The following ARMCX1 variants were observed in gnomAD, a reference collection of about 807,000 sequenced individuals.
The protein encoded by ARMCX1 is armadillo repeat-containing X-linked protein 1.
Under a neutral mutation model 15.4 loss-of-function variants are expected in ARMCX1, and 4 were observed. The observed-to-expected ratio is 0.26, with a 90% CI of 0.13 to 0.59. The LOEUF is 0.59. Ranked by LOEUF, ARMCX1 falls within the 20% of genes least tolerant of loss-of-function variation. The pLI, the probability that ARMCX1 is intolerant of heterozygous loss-of-function variation, is 0.89. For missense variants in ARMCX1, 273 were observed against 337.1 expected (o/e 0.81, Z 1.49); for synonymous variants, 144 against 130.5 (o/e 1.10, Z -0.71).
rs921626119 is a variant in ARMCX1 at position 101,553,248 on chromosome X, C to G, written c.318C>G (p.Ala106=). 5 of 1,210,374 alleles carry G rather than the reference C, an allele frequency of 4.1e-6. No homozygotes were observed. The African/African-American group carries it at 7.0e-5, about 17-fold the overall frequency. The change falls in exon 4 of 4, where the codon GCC becomes GCG. Residue 106 remains alanine (A), a synonymous_variant. Coordinates refer to ENST00000372829, the MANE Select transcript of ARMCX1 (RefSeq NM_016608.2). ...CCCACAGCGGAGGTGGCCTAGAGGC[C>G]AAGGCCAAGGCCCTTTTCAACACGC... is the stretch of plus-strand genomic sequence containing the variant. The part of the protein sequence containing the change: ...SGSHSGGGLE[A]KAKALFNTLK...
In ARMCX1 at chrX:101,553,194, G is replaced by A. The variant is rs1935401409; in HGVS notation, c.264G>A (p.Pro88=). The change falls in exon 4 of 4, where the codon CCG becomes CCA. Residue 88 remains proline (P), a synonymous_variant. Transcript: ENST00000372829. ...PEVSLGLEDC[P]GVKEKAHSGS... Reference sequence around the variant, plus strand: ...TGAGTTTGGGACTCGAGGATTGTCCGGGTGTAAAAGAGAAGGCCCATTCAG... The same window carrying A: ...TGAGTTTGGGACTCGAGGATTGTCCAGGTGTAAAAGAGAAGGCCCATTCAG... 4.1e-6 allele frequency: 5 copies of A among 1,210,472 alleles called. No homozygotes were observed. Among genetic ancestry groups the A allele is most frequent in the East Asian group, 3.0e-5 (1 of 33,757 alleles).
At position 101,552,812 on chromosome X, in the gene ARMCX1, G is replaced by C. The variant is rs782625990; in HGVS notation, c.-119G>C. On this transcript the variant is annotated 5_prime_UTR_variant, in exon 4 of 4. Coordinates refer to ENST00000372829, the MANE Select transcript of ARMCX1 (RefSeq NM_016608.2). Reference sequence around the variant, plus strand: ...GAAATGCATCCTTTATTCCTAGGTCGAGCTGCCTCAGAGCCGGCCCGCAGT... The same window carrying C: ...GAAATGCATCCTTTATTCCTAGGTCCAGCTGCCTCAGAGCCGGCCCGCAGT... The C allele has an allele frequency of 6.1e-4, 505 of 829,510 alleles. No homozygotes were observed. Among genetic ancestry groups the C allele is most frequent in the South Asian group, 1.6e-3 (55 of 34,504 alleles). The allele number at this position is 829,510 out of a possible 1,213,427, so 68.4% of individuals were successfully genotyped here. A position where few individuals can be genotyped will look rare whatever the true frequency, so the allele number is the denominator to read the frequency against.
Position 101,552,990 on chromosome X carries a change from C to G in ARMCX1, c.60C>G (p.Ala20=). 1 of 1,211,932 alleles carries G rather than the reference C, an allele frequency of 8.3e-7. No individual in the cohort carries two copies. The highest frequency in any genetic ancestry group is 1.1e-6 in the Non-Finnish European group (1 of 895,557). The change falls in exon 4 of 4, where the codon GCC becomes GCG. Residue 20 remains alanine (A), a synonymous_variant. Transcript: ENST00000372829. Reference sequence around the variant, plus strand: ...CTGGTGTGGTTATCGGGGCTGGTGCCTGCTACTGTGTATACAGACTGGCTT... The same window carrying G: ...CTGGTGTGGTTATCGGGGCTGGTGCGTGCTACTGTGTATACAGACTGGCTT... ...VAAGVVIGAG[A]CYCVYRLAWG...
In ARMCX1 at chrX:101,553,889, A is replaced by T; in HGVS notation, c.959A>T (p.His320Leu). Residue 320 changes from histidine (H) to leucine (L), a missense_variant, in exon 4 of 4, where the codon CAT becomes CTT. Physicochemically the swap from His to Leu is moderately conservative, Grantham distance 99. Around this residue, in one of 2 missense-constraint regions of ARMCX1, gnomAD observed 126 missense variants for 193.6 expected, o/e 0.65. Coordinates refer to ENST00000372829, the MANE Select transcript of ARMCX1 (RefSeq NM_016608.2). ...RLLTNMTVTN[H>L]YQHLLSYSFP... The stretch of plus-strand genomic sequence containing the variant: ...TTAACCAACATGACTGTGACTAATC[A>T]TTACCAACATTTGCTTTCCTATTCT... The T allele has an allele frequency of 8.3e-7, 1 of 1,209,769 alleles. No homozygotes were observed.
Position 101,553,342 on chromosome X carries a change from C to G in ARMCX1, c.412C>G (p.Leu138Val). 4.2e-6 allele frequency: 5 copies of G among 1,198,918 alleles called. No homozygotes were observed. Among genetic ancestry groups the G allele is most frequent in the South Asian group, 1.8e-5 (1 of 54,070 alleles). The change falls in exon 4 of 4, where the codon CTT becomes GTT. Residue 138 changes from leucine to valine, a missense_variant. By Grantham distance (32) the Leu-to-Val change is conservative (BLOSUM62 1). Coordinates refer to ENST00000372829, the MANE Select transcript of ARMCX1 (RefSeq NM_016608.2). The stretch of plus-strand genomic sequence containing the variant: ...GGGTACCATCTCTGGGAACAGGACC[C>G]TTGCACCGAGTTTACCCTGCCCAGG... ...RVGTISGNRT[L>V]APSLPCPGGR...
chrX:101,551,693 T>C (rs1400400679), intron 3 of ARMCX1, 60 bp downstream of exon 3: 1 of 110,762 alleles, frequency 9.0e-6, no homozygotes, highest in Admixed American at 9.6e-5. Flanking sequence ...CGACTGCAAC[T>C]CGAATGGGCC....
In ARMCX1 at chrX:101,552,904, G is replaced by A. The variant is rs1556027209; in HGVS notation, c.-27G>A. The A allele has an allele frequency of 8.4e-7, 1 of 1,192,974 alleles. No homozygotes were observed. Among genetic ancestry groups the A allele is most frequent in the Non-Finnish European group, 1.1e-6 (1 of 885,570 alleles). On this transcript the variant is annotated 5_prime_UTR_variant, in exon 4 of 4. Transcript: ENST00000372829. ...CCAGAGCGAGCCTGTTTTGTGCTCG[G>A]GTTAAGAGATTTGTCCCAGCTATAC...
rs967504058 is a variant in ARMCX1 at position 101,554,570 on chromosome X, C to T, written c.*278C>T. On this transcript the variant is annotated 3_prime_UTR_variant, in exon 4 of 4. Coordinates refer to ENST00000372829, the MANE Select transcript of ARMCX1 (RefSeq NM_016608.2). ...CCTAGATTGAGATTTTTTAATCTTT[C>T]CTCTACCTAAACTGACAATGAATTG... 7.6e-5 allele frequency: 18 copies of T among 236,691 alleles called. No individual in the cohort carries two copies. The highest frequency in any genetic ancestry group is 9.4e-5 in the Non-Finnish European group (12 of 127,712). The allele number at this position is 236,691 out of a possible 1,213,427, so 19.5% of individuals were successfully genotyped here.
At position 101,553,762 on chromosome X, in the gene ARMCX1, G is replaced by C. The variant is rs1223966439; in HGVS notation, c.832G>C (p.Ala278Pro). The C allele has an allele frequency of 2.5e-6, 3 of 1,209,356 alleles. No homozygotes were observed. The African/African-American group carries it at 5.3e-5, about 21-fold the overall frequency. Residue 278 changes from alanine to proline, a missense_variant, in exon 4 of 4, where the codon GCA becomes CCA. Around this residue, in one of 2 missense-constraint regions of ARMCX1, gnomAD observed 126 missense variants for 193.6 expected, o/e 0.65. Transcript: ENST00000372829. Reference sequence around the variant, plus strand: ...TGCCCTTAATAACTTGAGTGTGAACGCAGAAAATCAGGGCAAGATTAAGAC... The same window carrying C: ...TGCCCTTAATAACTTGAGTGTGAACCCAGAAAATCAGGGCAAGATTAAGAC... ...YNALNNLSVN[A>P]ENQGKIKTYI... is the part of the protein sequence containing the mutation.
At chrX:101,550,690 A>T (rs1935369410) in intron 1 of ARMCX1, 30 bp downstream of exon 1, 1 of 112,019 alleles carries the variant, frequency 8.9e-6, no homozygotes, top group Non-Finnish European at 1.9e-5. Context: ...TTGCCAGGGG[A>T]TCCCTGCGGC....
At chrX:101,551,936 G>GT (rs1556026976) in intron 3 of ARMCX1, among the ~76,000 whole-genome samples, 1 of 101,362 alleles carries the variant, frequency 9.9e-6, no homozygotes, top group Non-Finnish European at 2.0e-5. Flanking sequence ...AGTCTTGAAG[G>GT]TTTAGTGGAA....
Position 101,552,854 on chromosome X carries a change from C to A in ARMCX1, c.-77C>A. On this transcript the variant is annotated 5_prime_UTR_variant, in exon 4 of 4. Transcript: ENST00000372829. ...GCCCGCAGTAGCTGCAGACTCCGCC[C>A]GCGACGTGTGCGCGCTTCTCTGGGC... The A allele has an allele frequency of 9.0e-7, 1 of 1,116,393 alleles. No individual in the cohort carries two copies. Among genetic ancestry groups the A allele is most frequent in the Non-Finnish European group, 1.2e-6 (1 of 837,493 alleles). 92.0% of individuals were successfully genotyped at this position (1,116,393 alleles called of 1,213,427 possible).
chrX:101,552,382 C>G (rs1244441044), intron 3 of ARMCX1, among the ~76,000 whole-genome samples: 3 of 111,147 alleles, frequency 2.7e-5, no homozygotes, highest in Non-Finnish European at 5.7e-5. Flanking sequence ...TGCCCCGTCC[C>G]GGGTGAGATC....
Position 101,554,383 on chromosome X carries a change from AAG to A in ARMCX1, c.*95_*96del. On this transcript the variant is annotated 3_prime_UTR_variant, in exon 4 of 4. Transcript: ENST00000372829. ...TGTTTTTCATTGTGCGTATATGGTA[AAG>A]AGATCTTTTCAGCTGCTATTTTGGA... 1.1e-6 allele frequency: 1 copy of A among 913,292 alleles called. No homozygotes were observed. The highest frequency in any genetic ancestry group is 1.5e-6 in the Non-Finnish European group (1 of 665,513). The allele number at this position is 913,292 out of a possible 1,213,427, so 75.3% of individuals were successfully genotyped here.
chrX:101,552,747 T>C (rs1935395353), intron 3 of ARMCX1, 62 bp from the exon 4 acceptor site: 1 of 431,042 alleles, frequency 2.3e-6, no homozygotes, highest in Non-Finnish European at 3.9e-6. Context: ...GTTGTTTCAG[T>C]CTGTTTGCGT....
chrX:101,554,151 A>G lies in ARMCX1; in HGVS notation c.1221A>G (p.Ser407=), dbSNP rs782390828. The G allele has an allele frequency of 3.5e-5, 42 of 1,209,482 alleles. No homozygotes were observed. In the South Asian group the frequency reaches 4.1e-4, roughly 12 times the overall value. The change falls in exon 4 of 4, where the codon TCA becomes TCG. Residue 407 remains serine, a synonymous_variant. Transcript: ENST00000372829. ...ACATAAAAAATGAAGGGCTCGCATC[A>G]TCCAGGAAAGAATTCAGCAGAAGTT... ...NDNIKNEGLA[S]SRKEFSRSSL...
Position 101,552,872 on chromosome X carries a change from C to T in ARMCX1, c.-59C>T. 7 of 1,159,666 alleles carry T rather than the reference C, an allele frequency of 6.0e-6. No individual in the cohort carries two copies. The highest frequency in any genetic ancestry group is 2.3e-6 in the Non-Finnish European group (2 of 867,327). Reference sequence around the variant, plus strand: ...CTCCGCCCGCGACGTGTGCGCGCTTCTCTGGGCCAGAGCGAGCCTGTTTTG... The same window carrying T: ...CTCCGCCCGCGACGTGTGCGCGCTTTTCTGGGCCAGAGCGAGCCTGTTTTG... On this transcript the variant is annotated 5_prime_UTR_variant, in exon 4 of 4. Transcript: ENST00000372829.
Position 101,553,054 on chromosome X carries a change from G to C in ARMCX1, c.124G>C (p.Glu42Gln), listed in dbSNP as rs1935399318. 8.3e-7 allele frequency: 1 copy of C among 1,209,901 alleles called. No individual in the cohort carries two copies. Among genetic ancestry groups the C allele is most frequent in the Non-Finnish European group, 1.1e-6 (1 of 895,249 alleles). Reference sequence around the variant, plus strand: ...GAACGAGAAAATCTGGGACGAAGACGAGGAGTCTACGGACACCTCAGAGAT... The same window carrying C: ...GAACGAGAAAATCTGGGACGAAGACCAGGAGTCTACGGACACCTCAGAGAT... The part of the protein sequence containing the change: ...DENEKIWDED[E>Q]ESTDTSEIGV... The change falls in exon 4 of 4, where the codon GAG becomes CAG. Residue 42 changes from glutamate to glutamine, a missense_variant. This residue lies in a region of ARMCX1 where 147 missense variants were observed against 143.5 expected (regional missense o/e 1.02). Transcript: ENST00000372829.
At chrX:101,551,353 T>A (rs1167085735) in intron 2 of ARMCX1, among the ~76,000 whole-genome samples, 2 of 106,164 alleles carry the variant, frequency 1.9e-5, no homozygotes, top group African/African-American at 6.9e-5. Context: ...CGGGAGGGAG[T>A]GAGGGCCGGG....
Sources: gnomAD v4.1 joint callset for allele counts (sites outside exome capture counted in the v4.1 genomes callset) on GRCh38, gnomAD v4.1.1 for gene constraint, gnomAD v4.1.1 regional missense constraint, MANE v1.5 for transcripts, NCBI Gene and HGNC (gene_info 2026-07-23, HGNC 2026-07-21) for gene names.